The following KIAA0513 variants were observed in gnomAD, a reference collection of about 807,000 sequenced individuals.
KIAA0513 encodes the protein KIAA0513, also known as uncharacterized protein KIAA0513.
KIAA0513 carries 39 observed loss-of-function variants against 56.5 expected under a neutral mutation model. The ratio of observed to expected loss-of-function variants is 0.69; its 90% CI spans 0.53 to 0.90. The LOEUF (loss-of-function observed/expected upper bound fraction) is 0.90, where lower values mean the gene tolerates loss of function less well. Among genes scored for constraint, KIAA0513 ranks in the 40% least tolerant of loss-of-function variants. The pLI is 0.00. For synonymous variants in KIAA0513, 268 were observed against 215.6 expected, an observed-to-expected ratio of 1.24 and a Z score of -2.13; for missense variants, 591 against 535.2, an observed-to-expected ratio of 1.10 and a Z score of -1.03.
chr16:85,030,760 A>G lies in KIAA0513; in HGVS notation c.-173+2902A>G, dbSNP rs931449238. ...CTCCATCTAAAAAAAAAAAAAAAAGACAAAAATAAAGGCATGGTGTTCTCA... is the reference window on the plus strand; with the variant it reads ...CTCCATCTAAAAAAAAAAAAAAAAGGCAAAAATAAAGGCATGGTGTTCTCA... On this transcript the variant is annotated intron_variant, in intron 1 of 12. Coordinates refer to ENST00000683363, the MANE Select transcript of KIAA0513 (RefSeq NM_001388359.1). Among the ~76,000 whole-genome samples the G allele has an allele frequency of 2.0e-5, 3 of 150,200 alleles. 1 individual carries two copies. In the South Asian group the frequency reaches 6.3e-4, roughly 32 times the overall value.
rs556602054 is a variant in KIAA0513 at position 85,079,017 on chromosome 16, C to G, written c.902+14C>G. ...ACAGCCCATCTGGTAAGGCCGAGCC[C>G]GCGGCTTCCCGTCACCCTCTTACTG... On this transcript the variant is annotated intron_variant, in intron 8 of 12. Coordinates refer to ENST00000683363, the MANE Select transcript of KIAA0513 (RefSeq NM_001388359.1). The G allele has an allele frequency of 6.2e-7, 1 of 1,614,112 alleles. No individual in the cohort carries two copies. The highest frequency in any genetic ancestry group is 8.5e-7 in the Non-Finnish European group (1 of 1,180,018).
chr16:85,086,798 A>C (rs1230781526), intron 11 of KIAA0513, 74 bp downstream of exon 11: 13 of 1,341,990 alleles, frequency 9.7e-6, no homozygotes, highest in East Asian at 2.4e-5. Context: ...ACCTGGTATC[A>C]CACCCTGGGG....
At chr16:85,030,606 G>A (rs1256564625) in intron 1 of KIAA0513, among the ~76,000 whole-genome samples, 1 of 152,010 alleles carries the variant, frequency 6.6e-6, no homozygotes, top group African/African-American at 2.4e-5. Context: ...AATTAGCTGG[G>A]CATGGTGGCG....
chr16:85,068,757 G>A (rs1371648884), intron 2 of KIAA0513, among the ~76,000 whole-genome samples: 2 of 152,168 alleles, frequency 1.3e-5, no homozygotes, highest in Non-Finnish European at 2.9e-5. Flanking sequence ...GTGGGCCACC[G>A]TGCCCGGCCA....
intron 1 of KIAA0513, among the ~76,000 whole-genome samples, chr16:85,042,809 T>G (rs1377019564): frequency 6.6e-6 from 1 of 152,226 alleles, no homozygotes; most frequent in Non-Finnish European, 1.5e-5. Context: ...GGCTTGGCCT[T>G]TCTGCAGGGC....
chr16:85,060,054 G>A (rs62049883), intron 1 of KIAA0513, among the ~76,000 whole-genome samples: 12,833 of 152,140 alleles, frequency 0.084, 1,746 homozygotes, highest in African/African-American at 0.28. Context: ...TCCGCTTCCC[G>A]GGCTCAAGCG....
At chr16:85,060,372 G>C (rs182713047) in intron 1 of KIAA0513, among the ~76,000 whole-genome samples, 1 of 152,298 alleles carries the variant, frequency 6.6e-6, no homozygotes, top group East Asian at 1.9e-4. Context: ...GCGGTGGAGA[G>C]GAGGGAACTT....
chr16:85,034,716 G>A (rs771350550), intron 1 of KIAA0513, among the ~76,000 whole-genome samples: 1 of 152,200 alleles, frequency 6.6e-6, no homozygotes, highest in Admixed American at 6.5e-5. Context: ...TGTGTGCCCA[G>A]TGCCTTATGG....
rs960112517 is a variant in KIAA0513 at position 85,081,917 on chromosome 16, G to A, written c.980+525G>A. Reference sequence around the variant, plus strand: ...GGGGAGGGGCTGGCACCCACCCCACGGGGGCCGATGCCATAGCAAGCAAAG... The same window carrying A: ...GGGGAGGGGCTGGCACCCACCCCACAGGGGCCGATGCCATAGCAAGCAAAG... On this transcript the variant is annotated intron_variant, in intron 9 of 12. Coordinates refer to ENST00000683363, the MANE Select transcript of KIAA0513 (RefSeq NM_001388359.1). The surrounding 1 kb of genome is among the most constrained non-coding windows in gnomAD (Gnocchi z 4.4). Among the ~76,000 whole-genome samples the A allele has an allele frequency of 5.3e-5, 8 of 152,322 alleles. No individual in the cohort carries two copies. Among genetic ancestry groups the A allele is most frequent in the East Asian group, 1.9e-4 (1 of 5,170 alleles).
At chr16:85,046,278 G>GT (rs1263213515) in intron 1 of KIAA0513, among the ~76,000 whole-genome samples, 1 of 152,216 alleles carries the variant, frequency 6.6e-6, no homozygotes. Context: ...ACCCTGTACA[G>GT]TTTAAAAACA....
intron 1 of KIAA0513, among the ~76,000 whole-genome samples, chr16:85,044,740 T>G (rs1363347898): frequency 6.6e-6 from 1 of 151,794 alleles, no homozygotes; most frequent in African/African-American, 2.4e-5. Context: ...ACTCCTGACC[T>G]CATGATCCGC....
chr16:85,084,892 G>A (rs936232286), intron 10 of KIAA0513, among the ~76,000 whole-genome samples: 4 of 152,206 alleles, frequency 2.6e-5, no homozygotes, highest in South Asian at 2.1e-4. Context: ...TGATTTTATC[G>A]TGGGCATTAC....
intron 1 of KIAA0513, among the ~76,000 whole-genome samples, chr16:85,030,299 C>T (rs1003508941): frequency 1.2e-4 from 18 of 152,300 alleles, no homozygotes; most frequent in African/African-American, 4.1e-4. Flanking sequence ...ACGCAGTTCT[C>T]CGGCAGCCTG....
intron 1 of KIAA0513, among the ~76,000 whole-genome samples, chr16:85,043,208 A>C (rs2073126238): frequency 6.6e-6 from 1 of 152,038 alleles, no homozygotes; most frequent in Non-Finnish European, 1.5e-5. Context: ...GGACCTACTA[A>C]AACAATTCGA....
chr16:85,076,022 C>T lies in KIAA0513; in HGVS notation c.574+108C>T. On this transcript the variant is annotated intron_variant, in intron 5 of 12. Transcript: ENST00000683363. This position sits in a 1 kb window ranked among gnomAD's most constrained non-coding sequence, Gnocchi z 4.7. ...TAAAAAGCAAAAGCTATGGGGCCTC[C>T]AGAGAACAGAGGAAGCTGATGTTAG... is the stretch of plus-strand genomic sequence containing the variant. The T allele has an allele frequency of 1.3e-6, 1 of 779,120 alleles. No homozygotes were observed. Among genetic ancestry groups the T allele is most frequent in the East Asian group, 2.6e-5 (1 of 39,010 alleles). The allele number at this position is 779,120 out of a possible 1,614,324, so 48.3% of individuals were successfully genotyped here.
Position 85,086,735 on chromosome 16 carries a change from G to C in KIAA0513, c.1091+11G>C. 1 of 1,608,688 alleles carries C rather than the reference G, an allele frequency of 6.2e-7. No individual in the cohort carries two copies. Among genetic ancestry groups the C allele is most frequent in the Non-Finnish European group, 8.5e-7 (1 of 1,178,046 alleles). On this transcript the variant is annotated intron_variant, in intron 11 of 12. Transcript: ENST00000683363. ...CTTCGGGCAGCTGGGGTAAGGGCCA[G>C]AGTGGGAAAGCGGGAGGGGAGAGGG...
intron 1 of KIAA0513, among the ~76,000 whole-genome samples, chr16:85,039,732 C>G (rs968801984): frequency 1.3e-5 from 2 of 151,982 alleles, no homozygotes; most frequent in Non-Finnish European, 2.9e-5. Flanking sequence ...CTCAGCCTGC[C>G]AAAGTATTGG....
chr16:85,083,486 G>A (rs920548670), intron 10 of KIAA0513, among the ~76,000 whole-genome samples: 1 of 152,226 alleles, frequency 6.6e-6, no homozygotes, highest in African/African-American at 2.4e-5. Flanking sequence ...AAAGCCCCTA[G>A]GTTTTCACTG....
chr16:85,035,591 A>G (rs955893567), intron 1 of KIAA0513, among the ~76,000 whole-genome samples: 1 of 152,176 alleles, frequency 6.6e-6, no homozygotes, highest in Non-Finnish European at 1.5e-5. Flanking sequence ...CCCGGGCTCC[A>G]GTGATCCTCC....
Sources: gnomAD v4.1 joint callset for allele counts (sites outside exome capture counted in the v4.1 genomes callset) on GRCh38, gnomAD v4.1.1 for gene constraint, Gnocchi (gnomAD v3.1) non-coding constraint, MANE v1.5 for transcripts, NCBI Gene and HGNC (gene_info 2026-07-23, HGNC 2026-07-21) for gene names.